The following USP15 variants were observed in gnomAD, a reference collection of about 807,000 sequenced individuals.
USP15 encodes ubiquitin specific peptidase 15, also known as ubiquitin carboxyl-terminal hydrolase 15.
A neutral mutation model predicts 127.1 loss-of-function variants in USP15; 18 were observed. The observed-to-expected ratio is 0.14, with a 90% CI of 0.10 to 0.21. The LOEUF (loss-of-function observed/expected upper bound fraction) is 0.21. Among genes scored for constraint, USP15 ranks in the 10% least tolerant of loss-of-function variants. The probability of loss-of-function intolerance (pLI) is 1.00; values close to 1 mark genes in which losing one functional copy is unlikely to be tolerated. For missense variants in USP15, 805 were observed against 1,159.9 expected (o/e 0.69, Z 4.44); for synonymous variants, 364 against 393.7 (o/e 0.92, Z 0.89).
chr12:62,405,685 A>G lies in USP15; in HGVS notation c.*1310A>G, dbSNP rs765807020. ...CTAAATGCTGGGGCACATTTCACAT[A>G]TCGACTACCTGAGAAATTGCTTTGT... On this transcript the variant is annotated 3_prime_UTR_variant, in exon 22 of 22. Coordinates refer to ENST00000280377, the MANE Select transcript of USP15 (RefSeq NM_001252078.2). 3.3e-5 allele frequency: 5 copies of G among 152,602 alleles called. No homozygotes were observed. Among genetic ancestry groups the G allele is most frequent in the African/African-American group, 4.8e-5 (2 of 41,458 alleles). 9.5% of individuals were successfully genotyped at this position (152,602 alleles called of 1,614,324 possible).
chr12:62,326,705 T>G (rs2065138347), intron 6 of USP15, among the ~76,000 whole-genome samples: 5 of 152,204 alleles, frequency 3.3e-5, no homozygotes, highest in Admixed American at 3.3e-4. Context: ...CTTTGGAATT[T>G]CACATGTTCT....
At chr12:62,394,616 G>A (rs549627804) in intron 19 of USP15, among the ~76,000 whole-genome samples, 22 of 152,196 alleles carry the variant, frequency 1.4e-4, no homozygotes, top group African/African-American at 1.7e-4. Context: ...TTGGGAGGCC[G>A]AGGTGGGTGG....
intron 21 of USP15, among the ~76,000 whole-genome samples, chr12:62,403,168 G>A (rs1370526721): frequency 6.6e-6 from 1 of 152,016 alleles, no homozygotes; most frequent in African/African-American, 2.4e-5. Context: ...GAGTTCAGGG[G>A]TGAGAACTGA....
chr12:62,289,769 A>T (rs1336722151), intron 1 of USP15, among the ~76,000 whole-genome samples: 1 of 146,560 alleles, frequency 6.8e-6, no homozygotes, highest in African/African-American at 2.5e-5. Flanking sequence ...TCCTCTTAGC[A>T]CTGCTTTTGC....
chr12:62,328,322 C>A (rs970522392), intron 6 of USP15: 9 of 453,720 alleles, frequency 2.0e-5, no homozygotes, highest in African/African-American at 1.8e-4. Flanking sequence ...TCTGTCATAA[C>A]TATAACTGCT....
intron 6 of USP15, among the ~76,000 whole-genome samples, chr12:62,345,964 A>G (rs1316710987): frequency 1.3e-5 from 2 of 152,200 alleles, no homozygotes; most frequent in Admixed American, 1.3e-4. Context: ...ACACCAGAGG[A>G]TTATGAAAGC....
Position 62,282,556 on chromosome 12 carries a change from A to G in USP15, c.90-11623A>G, listed in dbSNP as rs756337086. The stretch of plus-strand genomic sequence containing the variant: ...TGAGGTAAATGACATAGGCATTGTG[A>G]TGTAAATGGAAGATTTCAGAAATAA... On this transcript the variant is annotated intron_variant, in intron 1 of 21. Transcript: ENST00000280377. 2.8e-4 allele frequency among the ~76,000 whole-genome samples: 42 copies of G among 152,300 alleles called. 1 individual carries two copies. Among genetic ancestry groups the G allele is most frequent in the South Asian group, 6.2e-4 (3 of 4,820 alleles).
intron 4 of USP15, 106 bp downstream of exon 4, chr12:62,315,022 A>G (rs956215730): frequency 3.6e-6 from 4 of 1,114,910 alleles, no homozygotes; most frequent in Middle Eastern, 3.1e-4. Flanking sequence ...GGATTTATAT[A>G]TAGACATTTG....
At chr12:62,376,786 CACAACACATATCCG>C (rs1565897932) in intron 8 of USP15, among the ~76,000 whole-genome samples, 1 of 152,078 alleles carries the variant, frequency 6.6e-6, no homozygotes, top group African/African-American at 2.4e-5. Context: ...TTCACGTAGG[CACAACACATATCCG>C]ATTTTTAGTC....
chr12:62,336,946 T>A (rs11174429), intron 6 of USP15, among the ~76,000 whole-genome samples: 9,581 of 152,318 alleles, frequency 0.063, 398 homozygotes, highest in Middle Eastern at 0.095. Context: ...AATGAACCTT[T>A]TATAGTATTA....
chr12:62,404,163 T>C lies in USP15; in HGVS notation c.2764-30T>C, dbSNP rs767145927. 3.9e-6 allele frequency: 6 copies of C among 1,544,516 alleles called. No homozygotes were observed. In the South Asian group the frequency reaches 6.2e-5, roughly 16 times the overall value. On this transcript the variant is annotated intron_variant, in intron 21 of 21. Transcript: ENST00000280377. ...TATTTAACGTGATCTTTGAGAATCA[T>C]AACTGTTTTAACATCCTTTGTTTTG...
Position 62,392,375 on chromosome 12 carries a change from C to T in USP15, c.2408C>T (p.Ala803Val). ...ELFTTKEKLG[A>V]EDPWYCPNCK... ...TTTACAACAAAAGAAAAGCTAGGTG[C>T]TGAAGATCCCTGGTAAGAGACAAAA... The change falls in exon 18 of 22, where the codon GCT becomes GTT. Residue 803 changes from alanine to valine, a missense_variant. By Grantham distance (64) the Ala-to-Val change is moderately conservative (BLOSUM62 0). Around this residue, in one of 11 missense-constraint regions of USP15, gnomAD observed 24 missense variants for 71.5 expected, o/e 0.34. Coordinates refer to ENST00000280377, the MANE Select transcript of USP15 (RefSeq NM_001252078.2). 1 of 1,590,658 alleles carries T rather than the reference C, an allele frequency of 6.3e-7. No homozygotes were observed. The highest frequency in any genetic ancestry group is 8.5e-7 in the Non-Finnish European group (1 of 1,171,088).
At chr12:62,358,484 G>C (rs989048245) in intron 8 of USP15, among the ~76,000 whole-genome samples, 7 of 152,180 alleles carry the variant, frequency 4.6e-5, no homozygotes, top group Non-Finnish European at 1.0e-4. Flanking sequence ...GGAGGCCAAG[G>C]CGAGTGGATC....
intron 8 of USP15, among the ~76,000 whole-genome samples, chr12:62,379,688 A>G (rs1319769346): frequency 6.6e-6 from 1 of 152,128 alleles, no homozygotes; most frequent in Non-Finnish European, 1.5e-5. Context: ...CTGATCAAAT[A>G]TAAGAAGCGG....
In USP15 at chr12:62,322,253, G is replaced by C. The variant is rs911837012; in HGVS notation, c.621+644G>C. Reference sequence around the variant, plus strand: ...AGTGATTCTCCTGCCTCAGCCTCTTGAGTAGCTGGGACTGCAGACATGTGC... The same window carrying C: ...AGTGATTCTCCTGCCTCAGCCTCTTCAGTAGCTGGGACTGCAGACATGTGC... On this transcript the variant is annotated intron_variant, in intron 5 of 21. Transcript: ENST00000280377. 2.0e-5 allele frequency among the ~76,000 whole-genome samples: 3 copies of C among 152,002 alleles called. No homozygotes were observed. In the East Asian group the frequency reaches 5.8e-4, roughly 29 times the overall value.
Position 62,404,470 on chromosome 12 carries a change from A to T in USP15, c.*95A>T. The stretch of plus-strand genomic sequence containing the variant: ...CACCACATTAAAACAAAAGTCTGAG[A>T]TGGGGAGTTTCAGATAACCGAATGT... On this transcript the variant is annotated 3_prime_UTR_variant, in exon 22 of 22. Coordinates refer to ENST00000280377, the MANE Select transcript of USP15 (RefSeq NM_001252078.2). 1 of 1,410,012 alleles carries T rather than the reference A, an allele frequency of 7.1e-7. No individual in the cohort carries two copies. Among genetic ancestry groups the T allele is most frequent in the Non-Finnish European group, 9.3e-7 (1 of 1,075,356 alleles). The allele number at this position is 1,410,012 out of a possible 1,614,324, so 87.3% of individuals were successfully genotyped here. A position where few individuals can be genotyped will look rare whatever the true frequency, so the allele number is the denominator to read the frequency against.
chr12:62,312,452 C>T (rs901513015), intron 3 of USP15: 3 of 155,670 alleles, frequency 1.9e-5, no homozygotes, highest in Admixed American at 6.5e-5. Context: ...TATTTTAATC[C>T]TCTGTAAACT....
At chr12:62,279,041 C>T (rs1295717983) in intron 1 of USP15, 3 of 152,108 alleles carry the variant, frequency 2.0e-5, no homozygotes, top group African/African-American at 7.2e-5. Context: ...GCGCTGCCCT[C>T]TTAATTTTTT....
intron 9 of USP15, among the ~76,000 whole-genome samples, chr12:62,382,739 G>A (rs901720713): frequency 1.3e-5 from 2 of 151,816 alleles, no homozygotes; most frequent in Admixed American, 1.3e-4. Context: ...GAACATTAAT[G>A]TTTCTGTTAT....
Sources: allele counts gnomAD v4.1 joint callset (sites outside exome capture counted in the v4.1 genomes callset), GRCh38; gene constraint gnomAD v4.1.1; regional missense constraint gnomAD v4.1.1; transcripts MANE v1.5; gene names NCBI Gene and HGNC (gene_info 2026-07-23, HGNC 2026-07-21).